The following PABPC4L variants were observed in gnomAD, a reference collection of about 807,000 sequenced individuals.
PABPC4L encodes the protein poly(A) binding protein cytoplasmic 4 like.
For synonymous variants in PABPC4L, 169 were observed against 164.1 expected, an observed-to-expected ratio of 1.03 and a Z score of -0.23; for missense variants, 452 against 451.4, an observed-to-expected ratio of 1.00 and a Z score of -0.01.
At chr4:134,004,566 G>T in the PABPC4L span, among the ~76,000 whole-genome samples, 1 of 151,774 alleles carries the variant, frequency 6.6e-6, no homozygotes, top group African/African-American at 2.4e-5. Context: ...CAGTATGGAG[G>T]TTCCTCAGAA....
chr4:134,053,911 C>G, the PABPC4L span, among the ~76,000 whole-genome samples: 4 of 151,766 alleles, frequency 2.6e-5, no homozygotes, highest in Non-Finnish European at 4.4e-5. Flanking sequence ...TCTTCCTCAC[C>G]TACCTTGCCT....
the PABPC4L span, among the ~76,000 whole-genome samples, chr4:134,048,388 G>A: frequency 6.6e-6 from 1 of 151,960 alleles, no homozygotes; most frequent in Non-Finnish European, 1.5e-5. Flanking sequence ...GATGTTTGGA[G>A]GTATTTAACC....
chr4:134,174,264 G>A, the PABPC4L span, among the ~76,000 whole-genome samples: 1 of 151,688 alleles, frequency 6.6e-6, no homozygotes, highest in African/African-American at 2.4e-5. Flanking sequence ...TGAAGGAATT[G>A]CGCTGGGCTG....
At chr4:133,957,738 A>G in the PABPC4L span, among the ~76,000 whole-genome samples, 1 of 152,176 alleles carries the variant, frequency 6.6e-6, no homozygotes, top group Non-Finnish European at 1.5e-5. Flanking sequence ...AGGTTCCCAA[A>G]TCTCAATTCT....
the PABPC4L span, among the ~76,000 whole-genome samples, chr4:134,181,290 T>G: frequency 6.6e-6 from 1 of 151,960 alleles, no homozygotes; most frequent in South Asian, 2.1e-4. Context: ...TCTCAACAGA[T>G]GTAGAAAAGG....
At chr4:134,087,033 A>G in the PABPC4L span, among the ~76,000 whole-genome samples, 6 of 145,406 alleles carry the variant, frequency 4.1e-5, no homozygotes, top group African/African-American at 1.5e-4. Flanking sequence ...ATTCCCACCT[A>G]TGAGTGAGAA....
At chr4:134,122,640 A>G in the PABPC4L span, among the ~76,000 whole-genome samples, 4 of 151,992 alleles carry the variant, frequency 2.6e-5, no homozygotes, top group East Asian at 7.7e-4. Flanking sequence ...CATAATTTTA[A>G]AACAAACTTG....
At chr4:133,966,249 A>G in the PABPC4L span, among the ~76,000 whole-genome samples, 17 of 152,220 alleles carry the variant, frequency 1.1e-4, no homozygotes, top group Non-Finnish European at 2.4e-4. Context: ...TGCAAATCAA[A>G]ACCACAATGT....
the PABPC4L span, among the ~76,000 whole-genome samples, chr4:134,019,995 A>G: frequency 6.6e-6 from 1 of 152,160 alleles, no homozygotes; most frequent in South Asian, 2.1e-4. Context: ...GCCAGAATGT[A>G]TAAATCAACT....
chr4:133,963,238 G>T, the PABPC4L span, among the ~76,000 whole-genome samples: 2 of 152,094 alleles, frequency 1.3e-5, no homozygotes, highest in African/African-American at 2.4e-5. Context: ...AGTTAAAAAA[G>T]ACAAAGAATG....
chr4:133,988,523 T>C, the PABPC4L span, among the ~76,000 whole-genome samples: 1 of 152,206 alleles, frequency 6.6e-6, no homozygotes, highest in Non-Finnish European at 1.5e-5. Context: ...TTTAACCCCA[T>C]GTCTCACATC....
chr4:134,147,247 C>T, the PABPC4L span, among the ~76,000 whole-genome samples: 1 of 151,984 alleles, frequency 6.6e-6, no homozygotes, highest in African/African-American at 2.4e-5. Flanking sequence ...AAAATTTGAA[C>T]TCAATTGTTT....
chr4:134,078,691 G>C, the PABPC4L span, among the ~76,000 whole-genome samples: 1 of 133,988 alleles, frequency 7.5e-6, no homozygotes, highest in Non-Finnish European at 1.6e-5. Context: ...CACTCTTGTT[G>C]CCCAGACAGG....
the PABPC4L span, among the ~76,000 whole-genome samples, chr4:134,114,439 G>T: frequency 3.3e-5 from 5 of 151,722 alleles, no homozygotes; most frequent in African/African-American, 1.2e-4. Context: ...AAACTTAAGT[G>T]GGGAAGGAGA....
chr4:134,176,802 A>T, the PABPC4L span, among the ~76,000 whole-genome samples: 1 of 152,098 alleles, frequency 6.6e-6, no homozygotes, highest in African/African-American at 2.4e-5. Flanking sequence ...CATGCTCTCC[A>T]CAGGGACCTG....
the PABPC4L span, among the ~76,000 whole-genome samples, chr4:134,054,246 G>GTATATATATATA: frequency 1.4e-5 from 1 of 74,064 alleles, no homozygotes; most frequent in Non-Finnish European, 2.5e-5. Context: ...TACTTTAGTT[G>GTATATATATATA]TATATGTATA....
the PABPC4L span, among the ~76,000 whole-genome samples, chr4:133,987,818 T>C: frequency 3.3e-5 from 5 of 152,300 alleles, no homozygotes; most frequent in Non-Finnish European, 7.4e-5. Context: ...TTTGTATTAG[T>C]TTGTTCTCAC....
the PABPC4L span, among the ~76,000 whole-genome samples, chr4:134,070,211 C>A: frequency 6.6e-6 from 1 of 151,912 alleles, no homozygotes; most frequent in Non-Finnish European, 1.5e-5. Flanking sequence ...TAGGTGCTCC[C>A]GTACCACTGA....
the PABPC4L span, among the ~76,000 whole-genome samples, chr4:134,169,425 G>A: frequency 6.6e-6 from 1 of 152,098 alleles, no homozygotes; most frequent in Non-Finnish European, 1.5e-5. Flanking sequence ...ATTCAAAAGA[G>A]TACTATAATT....
Sources: gnomAD v4.1 joint callset for allele counts (sites outside exome capture counted in the v4.1 genomes callset) on GRCh38, gnomAD v4.1.1 for gene constraint, MANE v1.5 for transcripts, NCBI Gene and HGNC (gene_info 2026-07-23, HGNC 2026-07-21) for gene names.